The following CPXM2 variants were observed in gnomAD, a reference collection of about 807,000 sequenced individuals.
CPXM2 encodes the protein inactive carboxypeptidase-like protein X2.
CPXM2 carries 66 observed loss-of-function variants against 86.1 expected under a neutral mutation model. The ratio of observed to expected loss-of-function variants is 0.77; its 90% CI spans 0.63 to 0.94. The LOEUF (loss-of-function observed/expected upper bound fraction) is 0.94, where lower values mean the gene tolerates loss of function less well. Among genes scored for constraint, CPXM2 ranks in the 40% least tolerant of loss-of-function variants. The pLI is 0.00. For missense variants in CPXM2, 948 were observed against 1,026.3 expected (o/e 0.92, Z 1.04); for synonymous variants, 388 against 400.2 (o/e 0.97, Z 0.36).
chr10:123,775,370 C>T lies in CPXM2; in HGVS notation c.979-4331G>A, dbSNP rs114311576. Reference sequence around the variant, plus strand: ...ACATTGGGATCAGTAACTATCTCTACGGACATAAAGCCTGGTGGCTCATCA... The same window carrying T: ...ACATTGGGATCAGTAACTATCTCTATGGACATAAAGCCTGGTGGCTCATCA... On this transcript the variant is annotated intron_variant, in intron 7 of 13. Coordinates refer to ENST00000241305, the MANE Select transcript of CPXM2 (RefSeq NM_198148.3). Among the ~76,000 whole-genome samples the T allele has an allele frequency of 6.1e-3, 931 of 152,326 alleles. 10 individuals carry two copies. Among genetic ancestry groups the T allele is most frequent in the African/African-American group, 0.021 (877 of 41,562 alleles).
intron 1 of CPXM2, among the ~76,000 whole-genome samples, chr10:123,939,868 T>C (rs1174206259): frequency 6.6e-6 from 1 of 152,164 alleles, no homozygotes; most frequent in East Asian, 1.9e-4. Flanking sequence ...AGGAACCCCA[T>C]GGCTGGCTCT....
chr10:123,908,404 A>G (rs963668991), intron 2 of CPXM2, among the ~76,000 whole-genome samples: 1 of 152,208 alleles, frequency 6.6e-6, no homozygotes, highest in African/African-American at 2.4e-5. Context: ...GATAAGCCAG[A>G]TCACCTGCAA....
In CPXM2 at chr10:123,887,258, A is replaced by C. The variant is rs944341572; in HGVS notation, c.304+4098T>G. 3.9e-5 allele frequency: 3 copies of C among 77,688 alleles called. No homozygotes were observed. In the South Asian group the frequency reaches 9.9e-4, roughly 26 times the overall value. The allele number at this position is 77,688 out of a possible 1,614,324, so 4.8% of individuals were successfully genotyped here. A position where few individuals can be genotyped will look rare whatever the true frequency, so the allele number is the denominator to read the frequency against. On this transcript the variant is annotated intron_variant, in intron 1 of 13. Transcript: ENST00000241305. ...AAGCAAGAATCTGTGCTCAGTGTCC[A>C]CTTAGGTCCTTAGAGTTCTAAAATT... is the stretch of plus-strand genomic sequence containing the variant.
At chr10:123,873,907 T>C (rs990646972) in intron 2 of CPXM2, among the ~76,000 whole-genome samples, 3 of 147,064 alleles carry the variant, frequency 2.0e-5, no homozygotes, top group Non-Finnish European at 4.5e-5. Flanking sequence ...TAGCCCAAGC[T>C]GGAGTACAGT....
chr10:123,900,572 G>A (rs1009841710), intron 2 of CPXM2, among the ~76,000 whole-genome samples: 1 of 152,258 alleles, frequency 6.6e-6, no homozygotes, highest in Non-Finnish European at 1.5e-5. Context: ...GTCAAGTGTT[G>A]ATGACGGTGT....
In CPXM2 at chr10:123,935,785, CCAT is replaced by C. The variant is rs1360453616; in HGVS notation, n.174+3689_174+3691del. Reference sequence around the variant, plus strand: ...ATCACCATCATAACCAGCATCTTTACCATCATCATCACCACCACCACCAGCAGC... The same window carrying C: ...ATCACCATCATAACCAGCATCTTTACCATCATCACCACCACCACCAGCAGC... On this transcript the variant is annotated intron_variant and non_coding_transcript_variant, in intron 2 of 19. Coordinates refer to the CPXM2 transcript ENST00000368854. 7.9e-5 allele frequency among the ~76,000 whole-genome samples: 12 copies of C among 152,122 alleles called. No homozygotes were observed. In the South Asian group the frequency reaches 8.3e-4, roughly 11 times the overall value.
At chr10:123,762,468 A>G (rs1295902413) in intron 10 of CPXM2, among the ~76,000 whole-genome samples, 1 of 152,238 alleles carries the variant, frequency 6.6e-6, no homozygotes, top group African/African-American at 2.4e-5. Flanking sequence ...TTATTTTGAT[A>G]TAATAATGGT....
chr10:123,898,455 A>G (rs1945355674), intron 2 of CPXM2, among the ~76,000 whole-genome samples: 1 of 144,418 alleles, frequency 6.9e-6, no homozygotes, highest in African/African-American at 2.5e-5. Context: ...GCACAGTGAG[A>G]CCTTATCTCA....
rs1269485377 is a variant in CPXM2 at position 123,933,730 on chromosome 10, CAAA to C, written n.174+5744_174+5746del. Among the ~76,000 whole-genome samples, 4 of 150,436 alleles carry C rather than the reference CAAA, an allele frequency of 2.7e-5. No homozygotes were observed. The East Asian group carries it at 7.8e-4, about 29-fold the overall frequency. Reference sequence around the variant, plus strand: ...GAGACCATGTCTCTGAAAACAACAACAAAAACAAAACAAAACTAAAAAAAAAAA... The same window carrying C: ...GAGACCATGTCTCTGAAAACAACAACAACAAAACAAAACTAAAAAAAAAAA... On this transcript the variant is annotated intron_variant and non_coding_transcript_variant, in intron 2 of 19. Coordinates refer to the CPXM2 transcript ENST00000368854.
rs557252980 is a variant in CPXM2, at chr10:123,923,954, T to C, written n.174+15523A>G. ...CCTCTTTCTTTTGTAAATCACAGTC[T>C]CAGGTATGTCTTTATCAGCAGTGTG... On this transcript the variant is annotated intron_variant and non_coding_transcript_variant, in intron 2 of 19. Transcript: ENST00000368854. Among the ~76,000 whole-genome samples, 18 of 152,370 alleles carry C rather than the reference T, an allele frequency of 1.2e-4. No individual in the cohort carries two copies. The East Asian group carries it at 3.5e-3, about 29-fold the overall frequency.
intron 2 of CPXM2, among the ~76,000 whole-genome samples, chr10:123,936,183 C>G (rs538830932): frequency 3.2e-4 from 18 of 55,610 alleles, no homozygotes; most frequent in Non-Finnish European, 5.9e-4. Flanking sequence ...CCAAAGTAGC[C>G]CTGTAAGATC....
intron 12 of CPXM2, among the ~76,000 whole-genome samples, chr10:123,755,591 T>C (rs911038543): frequency 1.3e-5 from 2 of 152,244 alleles, no homozygotes; most frequent in African/African-American, 4.8e-5. Flanking sequence ...TTATTTTGAC[T>C]TTGTGGGACT....
chr10:123,819,020 T>A (rs1847870837), intron 4 of CPXM2, among the ~76,000 whole-genome samples: 1 of 152,128 alleles, frequency 6.6e-6, no homozygotes, highest in East Asian at 1.9e-4. Context: ...GAGGGAGGAA[T>A]GCTGCCACCA....
At chr10:123,869,269 C>T (rs1032850433) in intron 2 of CPXM2, among the ~76,000 whole-genome samples, 3 of 152,164 alleles carry the variant, frequency 2.0e-5, no homozygotes, top group Admixed American at 6.5e-5. Context: ...TGCAGGAAAG[C>T]GGGCTCCGAC....
At chr10:123,933,193 G>C (rs1590128981) in intron 2 of CPXM2, among the ~76,000 whole-genome samples, 1 of 152,280 alleles carries the variant, frequency 6.6e-6, no homozygotes, top group African/African-American at 2.4e-5. Flanking sequence ...AAGTAGGACT[G>C]GTCTCCAACC....
upstream of CPXM2, among the ~76,000 whole-genome samples, chr10:123,896,531 C>T (rs1471114796): frequency 6.6e-6 from 1 of 152,212 alleles, no homozygotes; most frequent in Non-Finnish European, 1.5e-5. Flanking sequence ...TTTGTTCTTA[C>T]TCCCATACCC....
chr10:123,760,609 C>T (rs960218712), intron 11 of CPXM2, among the ~76,000 whole-genome samples: 1 of 152,078 alleles, frequency 6.6e-6, no homozygotes, highest in African/African-American at 2.4e-5. Flanking sequence ...ACAGTGAAAC[C>T]GACAATAAGG....
At chr10:123,886,765 A>G (rs1319482305) in intron 1 of CPXM2, among the ~76,000 whole-genome samples, 1 of 152,244 alleles carries the variant, frequency 6.6e-6, no homozygotes, top group Non-Finnish European at 1.5e-5. Flanking sequence ...CCTCATTCAA[A>G]TCAATAGTTC....
intron 4 of CPXM2, among the ~76,000 whole-genome samples, chr10:123,803,403 T>G (rs1461361365): frequency 6.6e-6 from 1 of 151,952 alleles, no homozygotes; most frequent in Non-Finnish European, 1.5e-5. Context: ...TGTGCCACCA[T>G]GCCCAGCCTG....
Sources: allele counts gnomAD v4.1 joint callset (sites outside exome capture counted in the v4.1 genomes callset), GRCh38; gene constraint gnomAD v4.1.1; transcripts MANE v1.5; gene names NCBI Gene and HGNC (gene_info 2026-07-23, HGNC 2026-07-21).